SNX13: variants seen among roughly 807,000 people sequenced by gnomAD.
The protein encoded by SNX13 is sorting nexin-13.
A neutral mutation model predicts 133.6 loss-of-function variants in SNX13; 45 were observed. The observed-to-expected ratio is 0.34, with a 90% CI of 0.27 to 0.43. The LOEUF is 0.43. SNX13 is among the 20% of genes least tolerant of loss of function. SNX13 has a pLI of 1.00. For synonymous variants in SNX13, 414 were observed against 373.9 expected (o/e 1.11, Z -1.24); for missense variants, 1,032 against 1,145.1 (o/e 0.90, Z 1.43).
chr7:17,939,063 A>G (rs1802448868), intron 1 of SNX13, among the ~76,000 whole-genome samples: 1 of 152,200 alleles, frequency 6.6e-6, no homozygotes. Context: ...GTAAGTATTT[A>G]TCATATGCCA....
chr7:17,887,333 A>G (rs957226845), intron 5 of SNX13, among the ~76,000 whole-genome samples: 2 of 152,188 alleles, frequency 1.3e-5, no homozygotes, highest in Admixed American at 6.5e-5. Flanking sequence ...TCACACTATA[A>G]TATCTTATTT....
chr7:17,805,244 T>TGCGC (rs1434889540), intron 20 of SNX13, among the ~76,000 whole-genome samples: 16 of 107,298 alleles, frequency 1.5e-4, no homozygotes, highest in Admixed American at 4.8e-4. Flanking sequence ...TGTGTGTGTG[T>TGCGC]GTGTGTGCGT....
intron 5 of SNX13, among the ~76,000 whole-genome samples, chr7:17,886,803 C>T (rs1421297159): frequency 6.6e-6 from 1 of 151,934 alleles, no homozygotes; most frequent in African/African-American, 2.4e-5. Flanking sequence ...TCCAAATAAC[C>T]CATTCTTGAA....
intron 15 of SNX13, chr7:17,831,739 T>C (rs1163860037): frequency 8.9e-5 from 88 of 983,818 alleles, no homozygotes; most frequent in Non-Finnish European, 1.0e-4. Context: ...AAAATGCATG[T>C]AGTGCTCAGC....
intron 13 of SNX13, among the ~76,000 whole-genome samples, chr7:17,839,370 C>T (rs982501740): frequency 2.6e-5 from 4 of 151,556 alleles, no homozygotes; most frequent in South Asian, 4.2e-4. Flanking sequence ...CAACTATAAC[C>T]GTTGAATTGT....
At chr7:17,883,058 T>C (rs1259042846) in intron 5 of SNX13, 7 of 261,510 alleles carry the variant, frequency 2.7e-5, no homozygotes, top group Non-Finnish European at 5.4e-5. Flanking sequence ...ATAGAAGTAA[T>C]AAGCAAATTG....
intron 16 of SNX13, 78 bp downstream of exon 16, chr7:17,829,932 T>C (rs1374382344): frequency 1.2e-5 from 12 of 1,032,334 alleles, no homozygotes; most frequent in Admixed American, 5.4e-5. Context: ...TTATATATCA[T>C]TTATTTATAT....
intron 20 of SNX13, among the ~76,000 whole-genome samples, chr7:17,806,808 G>A (rs1000902554): frequency 3.3e-5 from 5 of 152,298 alleles, no homozygotes; most frequent in East Asian, 3.9e-4. Flanking sequence ...CACAGAGGGC[G>A]AGCTGAAGCA....
At chr7:17,879,047 C>T (rs142505390) in intron 5 of SNX13, among the ~76,000 whole-genome samples, 244 of 152,290 alleles carry the variant, frequency 1.6e-3, no homozygotes, top group African/African-American at 5.4e-3. Context: ...CTCCACTATT[C>T]CTTCAGACTA....
chr7:17,892,595 T>C (rs1462850758), intron 3 of SNX13, among the ~76,000 whole-genome samples: 1 of 151,992 alleles, frequency 6.6e-6, no homozygotes. Flanking sequence ...TGTTTATCAA[T>C]ATAAAAGTCA....
In SNX13 at chr7:17,814,912, G is replaced by T; in HGVS notation, c.1986C>A (p.Ser662=). 6.6e-7 allele frequency: 1 copy of T among 1,505,132 alleles called. No individual in the cohort carries two copies. Among genetic ancestry groups the T allele is most frequent in the Non-Finnish European group, 8.8e-7 (1 of 1,138,344 alleles). The allele number at this position is 1,505,132 out of a possible 1,614,324, so 93.2% of individuals were successfully genotyped here. ...CATACACATAGTGAGCTAAAGCGGG[G>T]GATGCCTTCATCATTTCAGGAGCTA... ...LLLAPEMMKA[S]PALAHYVYDF... Residue 662 remains serine, a synonymous_variant, in exon 20 of 26, where the codon TCC becomes TCA. Coordinates refer to ENST00000428135, the MANE Select transcript of SNX13 (RefSeq NM_015132.5).
chr7:17,851,472 A>G (rs1791203648), intron 9 of SNX13, among the ~76,000 whole-genome samples: 1 of 152,204 alleles, frequency 6.6e-6, no homozygotes, highest in African/African-American at 2.4e-5. Flanking sequence ...AAGACAAGTG[A>G]AATATAATAT....
intron 9 of SNX13, among the ~76,000 whole-genome samples, chr7:17,867,737 T>C (rs565292864): frequency 2.6e-5 from 4 of 151,764 alleles, no homozygotes; most frequent in African/African-American, 4.8e-5. Context: ...GGAAGACAAA[T>C]GTAGAGTAGA....
chr7:17,894,017 A>G (rs964676264), intron 2 of SNX13, among the ~76,000 whole-genome samples: 18 of 151,350 alleles, frequency 1.2e-4, no homozygotes, highest in African/African-American at 4.4e-4. Flanking sequence ...TTAAAAAAAA[A>G]TCAGGCTGAG....
intron 1 of SNX13, chr7:17,898,775 A>G (rs1797502115): frequency 6.6e-6 from 1 of 152,242 alleles, no homozygotes; most frequent in South Asian, 2.1e-4. Context: ...TTAGGGAGAC[A>G]TATAATACTG....
intron 9 of SNX13, among the ~76,000 whole-genome samples, chr7:17,867,517 G>C (rs1414614106): frequency 1.3e-5 from 2 of 151,974 alleles, no homozygotes; most frequent in African/African-American, 2.4e-5. Flanking sequence ...TGAAGCGGGA[G>C]GATCACTTGA....
chr7:17,842,471 C>T (rs1045793008), intron 12 of SNX13, among the ~76,000 whole-genome samples: 3 of 151,774 alleles, frequency 2.0e-5, no homozygotes, highest in African/African-American at 7.3e-5. Flanking sequence ...GTAAATTAAA[C>T]AAAAGGACAC....
intron 1 of SNX13, among the ~76,000 whole-genome samples, chr7:17,939,901 G>A (rs1487749553): frequency 1.3e-5 from 2 of 152,194 alleles, no homozygotes; most frequent in South Asian, 2.1e-4. Flanking sequence ...CCAGAGAAAG[G>A]AGACCTAGGG....
At chr7:17,815,650 C>T (rs1467461253) in intron 19 of SNX13, among the ~76,000 whole-genome samples, 1 of 152,056 alleles carries the variant, frequency 6.6e-6, no homozygotes, top group Non-Finnish European at 1.5e-5. Flanking sequence ...CAAACAAAAA[C>T]ATTCAAGTGT....
Sources: gnomAD v4.1 joint callset for allele counts (sites outside exome capture counted in the v4.1 genomes callset) on GRCh38, gnomAD v4.1.1 for gene constraint, MANE v1.5 for transcripts, NCBI Gene and HGNC (gene_info 2026-07-23, HGNC 2026-07-21) for gene names.